NXPH3: variants seen among roughly 807,000 people sequenced by gnomAD.
The protein encoded by NXPH3 is neurexophilin 3, also known as neurexophilin-3.
Under a neutral mutation model 18.8 loss-of-function variants are expected in NXPH3, and 7 were observed. The ratio of observed to expected loss-of-function variants is 0.37; its 90% CI spans 0.21 to 0.70. The LOEUF (loss-of-function observed/expected upper bound fraction) is 0.70. Among genes scored for constraint, NXPH3 ranks in the 30% least tolerant of loss-of-function variants. The pLI is 0.53. For missense variants in NXPH3, 282 were observed against 338.1 expected, an observed-to-expected ratio of 0.83 and a Z score of 1.30; for synonymous variants, 101 against 137.3, an observed-to-expected ratio of 0.74 and a Z score of 1.85.
Position 49,581,489 on chromosome 17 carries a change from G to A in NXPH3, c.*2189G>A. ...CATACTGCAGCGCAGAGTTGGGTGG[G>A]GCTGAGAAGCCATCTGGTTACAGCC... On this transcript the variant is annotated 3_prime_UTR_variant, in exon 2 of 2. Coordinates refer to ENST00000328741, the MANE Select transcript of NXPH3 (RefSeq NM_007225.4). The A allele has an allele frequency of 4.8e-6, 3 of 631,366 alleles. No individual in the cohort carries two copies. The highest frequency in any genetic ancestry group is 2.5e-4 in the Middle Eastern group (1 of 3,984). The allele number at this position is 631,366 out of a possible 1,614,324, so 39.1% of individuals were successfully genotyped here. A position where few individuals can be genotyped will look rare whatever the true frequency, so the allele number is the denominator to read the frequency against.
chr17:49,576,097 A>G lies in NXPH3; in HGVS notation c.-123A>G. 8.3e-7 allele frequency: 1 copy of G among 1,205,232 alleles called. No individual in the cohort carries two copies. The highest frequency in any genetic ancestry group is 1.3e-5 in the South Asian group (1 of 74,286). 74.7% of individuals were successfully genotyped at this position (1,205,232 alleles called of 1,614,324 possible). ...CGGCCCTGGGCGACCCGCTGAGGGG[A>G]GGGCCGCGGGCCGCCGGGGACTGGA... On this transcript the variant is annotated 5_prime_UTR_variant, in exon 1 of 2. Transcript: ENST00000328741.
rs534314550 is a variant in NXPH3, at chr17:49,578,139, C to T, written c.55-457C>T. On this transcript the variant is annotated intron_variant, in intron 1 of 1. Coordinates refer to ENST00000328741, the MANE Select transcript of NXPH3 (RefSeq NM_007225.4). The surrounding 1 kb of genome is among the most constrained non-coding windows in gnomAD (Gnocchi z 4.5). ...GTTTCAGAGCAGAGATTATGCCTCC[C>T]CCATCAGCCTGGGGATTTCACAGAG... Among the ~76,000 whole-genome samples, 1 of 152,250 alleles carries T rather than the reference C, an allele frequency of 6.6e-6. No homozygotes were observed. The highest frequency in any genetic ancestry group is 2.4e-5 in the African/African-American group (1 of 41,538).
In NXPH3 at chr17:49,582,490, GTTCT is replaced by G. The variant is rs1446421695; in HGVS notation, c.*3193_*3196del. On this transcript the variant is annotated 3_prime_UTR_variant, in exon 2 of 2. Transcript: ENST00000328741. ...CTGGGACAAGTTTACCAGGCTGGGG[GTTCT>G]TTAAGGACACAGCTTGGATCTCCCC... is the stretch of plus-strand genomic sequence containing the variant. 1.3e-5 allele frequency: 2 copies of G among 152,474 alleles called. No homozygotes were observed. The highest frequency in any genetic ancestry group is 3.9e-4 in the East Asian group (2 of 5,192). The allele number at this position is 152,474 out of a possible 1,614,324, so 9.4% of individuals were successfully genotyped here. A position where few individuals can be genotyped will look rare whatever the true frequency, so the allele number is the denominator to read the frequency against.
In NXPH3 at chr17:49,583,332, T is replaced by A. The variant is rs2071610500; in HGVS notation, c.*4032T>A. ...GGGTGATGGGTAAGGAGAGGCACCA[T>A]TAGCCCCGCCAGGCAGAGGCAAGAT... is the stretch of plus-strand genomic sequence containing the variant. On this transcript the variant is annotated 3_prime_UTR_variant, in exon 2 of 2. Coordinates refer to ENST00000328741, the MANE Select transcript of NXPH3 (RefSeq NM_007225.4). 6.6e-6 allele frequency: 1 copy of A among 152,226 alleles called. No individual in the cohort carries two copies. Among genetic ancestry groups the A allele is most frequent in the African/African-American group, 2.4e-5 (1 of 41,442 alleles). The allele number at this position is 152,226 out of a possible 1,614,324, so 9.4% of individuals were successfully genotyped here. A position where few individuals can be genotyped will look rare whatever the true frequency, so the allele number is the denominator to read the frequency against.
At position 49,578,674 on chromosome 17, in the gene NXPH3, C is replaced by T. The variant is rs760313654; in HGVS notation, c.133C>T (p.Arg45Trp). 4 of 1,612,008 alleles carry T rather than the reference C, an allele frequency of 2.5e-6. No individual in the cohort carries two copies. The highest frequency in any genetic ancestry group is 2.5e-6 in the Non-Finnish European group (3 of 1,179,360). Residue 45 changes from arginine (R) to tryptophan (W), a missense_variant, in exon 2 of 2, where the codon CGG becomes TGG. Transcript: ENST00000328741. The surrounding 1 kb of genome is among the most constrained non-coding windows in gnomAD (Gnocchi z 4.5). ...TGACCACGAGGGCCAGCCCCGGCCC[C>T]GGGTGCCTCGGAAGCGGGGCCACAT... ...RDDHEGQPRP[R>W]VPRKRGHISP...
chr17:49,582,078 C>T lies in NXPH3; in HGVS notation c.*2778C>T, dbSNP rs140618596. On this transcript the variant is annotated 3_prime_UTR_variant, in exon 2 of 2. Transcript: ENST00000328741. ...GCCCTCTGGTCCCTACTGTTCTTGC[C>T]AGATACTTCTGTGCCCGCTTGGTCC... 461 of 562,508 alleles carry T rather than the reference C, an allele frequency of 8.2e-4. 3 individuals carry two copies. The highest frequency in any genetic ancestry group is 6.0e-3 in the Middle Eastern group (13 of 2,180). The allele number at this position is 562,508 out of a possible 1,614,324, so 34.8% of individuals were successfully genotyped here. A position where few individuals can be genotyped will look rare whatever the true frequency, so the allele number is the denominator to read the frequency against.
Position 49,581,513 on chromosome 17 carries a change from C to A in NXPH3, c.*2213C>A. The A allele has an allele frequency of 1.5e-6, 1 of 651,198 alleles. No homozygotes were observed. Among genetic ancestry groups the A allele is most frequent in the East Asian group, 2.7e-5 (1 of 36,898 alleles). The allele number at this position is 651,198 out of a possible 1,614,324, so 40.3% of individuals were successfully genotyped here. On this transcript the variant is annotated 3_prime_UTR_variant, in exon 2 of 2. Transcript: ENST00000328741. ...GGGCTGAGAAGCCATCTGGTTACAGCCCACCTTGTAGGAAATGACCCAGCT... is the reference window on the plus strand; with the variant it reads ...GGGCTGAGAAGCCATCTGGTTACAGACCACCTTGTAGGAAATGACCCAGCT...
rs2071568385 is a variant in NXPH3, at chr17:49,575,977, C to A, written c.-243C>A. The A allele has an allele frequency of 4.2e-6, 2 of 477,466 alleles. No individual in the cohort carries two copies. The highest frequency in any genetic ancestry group is 7.3e-6 in the Non-Finnish European group (2 of 274,148). 29.6% of individuals were successfully genotyped at this position (477,466 alleles called of 1,614,324 possible). On this transcript the variant is annotated 5_prime_UTR_variant, in exon 1 of 2. Transcript: ENST00000328741. This position sits in a 1 kb window ranked among gnomAD's most constrained non-coding sequence, Gnocchi z 4.3. ...CTGGGGCCCTTCGAGGCGCTCGGGG[C>A]GCACATCTGGGACCTCGAGCGGGGG...
chr17:49,576,257 A>G lies in NXPH3; in HGVS notation c.38A>G (p.Gln13Arg). The change falls in exon 1 of 2, where the codon CAG becomes CGG. Residue 13 changes from glutamine (Q) to arginine (R), a missense_variant. By Grantham distance (43) the Gln-to-Arg change is conservative (BLOSUM62 1). Transcript: ENST00000328741. The stretch of plus-strand genomic sequence containing the variant: ...CGCTGCTGCTTCGTGTTCCTGGTGC[A>G]GGGTAGCCTCTATCTGGTGAGTGGT... ...LTRCCFVFLV[Q>R]GSLYLVICGQ... 6.4e-7 allele frequency: 1 copy of G among 1,568,374 alleles called. No individual in the cohort carries two copies. Among genetic ancestry groups the G allele is most frequent in the Non-Finnish European group, 8.6e-7 (1 of 1,157,098 alleles).
rs1355438306 is a variant in NXPH3, at chr17:49,579,242, A to G, written c.701A>G (p.Gln234Arg). The G allele has an allele frequency of 6.2e-7, 1 of 1,602,538 alleles. No homozygotes were observed. The highest frequency in any genetic ancestry group is 8.5e-7 in the Non-Finnish European group (1 of 1,179,962). ...TACAGCACGGACTATCGGCTGGTCC[A>G]GAAGGTGTGCCCAGATTACAACTAC... ...AFYSTDYRLV[Q>R]KVCPDYNYHS... The change falls in exon 2 of 2, where the codon CAG (glutamine) becomes CGG (arginine). Residue 234 changes from glutamine (Q) to arginine (R), a missense_variant. Coordinates refer to ENST00000328741, the MANE Select transcript of NXPH3 (RefSeq NM_007225.4). The surrounding 1 kb of genome is among the most constrained non-coding windows in gnomAD (Gnocchi z 6.0).
In NXPH3 at chr17:49,579,078, G is replaced by C; in HGVS notation, c.537G>C (p.Trp179Cys). 6.2e-7 allele frequency: 1 copy of C among 1,614,130 alleles called. No individual in the cohort carries two copies. The highest frequency in any genetic ancestry group is 2.2e-5 in the East Asian group (1 of 44,876). Reference sequence around the variant, plus strand: ...AAATCTTCAACTGCCGGATGGAGTGGGAGAAGGTAGAACGGGGCCGCCGGA... The same window carrying C: ...AAATCTTCAACTGCCGGATGGAGTGCGAGAAGGTAGAACGGGGCCGCCGGA... ...ASKIFNCRME[W>C]EKVERGRRTS... is the part of the protein sequence containing the mutation. The change falls in exon 2 of 2, where the codon TGG becomes TGC. Residue 179 changes from tryptophan to cysteine, a missense_variant. By Grantham distance (215) the Trp-to-Cys change is radical. Transcript: ENST00000328741. This position sits in a 1 kb window ranked among gnomAD's most constrained non-coding sequence, Gnocchi z 6.0.
Position 49,578,648 on chromosome 17 carries a change from A to T in NXPH3, c.107A>T (p.Asp36Val). The stretch of plus-strand genomic sequence containing the variant: ...CCCGGCTCAGAGGACCCTGAGCGTG[A>T]TGACCACGAGGGCCAGCCCCGGCCC... Reference protein sequence around the residue: ...GPPGSEDPERDDHEGQPRPRV... With the variant: ...GPPGSEDPERVDHEGQPRPRV... The change falls in exon 2 of 2, where the codon GAT becomes GTT. Residue 36 changes from aspartate (D) to valine (V), a missense_variant. Physicochemically the swap from Asp to Val is radical, Grantham distance 152. Coordinates refer to ENST00000328741, the MANE Select transcript of NXPH3 (RefSeq NM_007225.4). This position sits in a 1 kb window ranked among gnomAD's most constrained non-coding sequence, Gnocchi z 4.5. The T allele has an allele frequency of 6.2e-7, 1 of 1,603,394 alleles. No individual in the cohort carries two copies. Among genetic ancestry groups the T allele is most frequent in the Non-Finnish European group, 8.5e-7 (1 of 1,175,198 alleles).
rs1318970107 is a variant in NXPH3, at chr17:49,581,806, C to T, written c.*2506C>T. The T allele has an allele frequency of 2.9e-6, 2 of 701,614 alleles. No individual in the cohort carries two copies. The highest frequency in any genetic ancestry group is 1.7e-5 in the African/African-American group (1 of 57,374). 43.5% of individuals were successfully genotyped at this position (701,614 alleles called of 1,614,324 possible). ...CTGAACTCTCAGCAGGCACTGGGGG[C>T]ACTTTGACCCCCCTCCTGCTCCTCT... On this transcript the variant is annotated 3_prime_UTR_variant, in exon 2 of 2. Coordinates refer to ENST00000328741, the MANE Select transcript of NXPH3 (RefSeq NM_007225.4).
Position 49,579,394 on chromosome 17 carries a change from C to T in NXPH3, c.*94C>T. ...GACACCGGGCAGGGAAGGGGTTGGG[C>T]CTCAGGCAGGGAGGGGGGTGGAGAC... On this transcript the variant is annotated 3_prime_UTR_variant, in exon 2 of 2. Transcript: ENST00000328741. This position sits in a 1 kb window ranked among gnomAD's most constrained non-coding sequence, Gnocchi z 6.0. 8.8e-7 allele frequency: 1 copy of T among 1,139,084 alleles called. No homozygotes were observed. Among genetic ancestry groups the T allele is most frequent in the Non-Finnish European group, 1.2e-6 (1 of 807,734 alleles). 70.6% of individuals were successfully genotyped at this position (1,139,084 alleles called of 1,614,324 possible).
chr17:49,581,651 G>A lies in NXPH3; in HGVS notation c.*2351G>A, dbSNP rs771252740. On this transcript the variant is annotated 3_prime_UTR_variant, in exon 2 of 2. Coordinates refer to ENST00000328741, the MANE Select transcript of NXPH3 (RefSeq NM_007225.4). ...CCCACCCTGGAGGCTTGAGACTGCT[G>A]GCACTGGAGCAGCCCACCAATGGAC... 7.6e-4 allele frequency: 534 copies of A among 702,584 alleles called. 1 individual carries two copies. Among genetic ancestry groups the A allele is most frequent in the Middle Eastern group, 3.0e-3 (13 of 4,370 alleles). The allele number at this position is 702,584 out of a possible 1,614,324, so 43.5% of individuals were successfully genotyped here.
rs542115954 is a variant in NXPH3 at position 49,576,824 on chromosome 17, G to A, written c.54+551G>A. ...GCGCAGCCGGAGCCCCACAGGACTT[G>A]GGCAGGCGGCTCCCGCCCCAGGCAC... is the stretch of plus-strand genomic sequence containing the variant. On this transcript the variant is annotated intron_variant, in intron 1 of 1. Coordinates refer to ENST00000328741, the MANE Select transcript of NXPH3 (RefSeq NM_007225.4). Among the ~76,000 whole-genome samples, 34 of 148,754 alleles carry A rather than the reference G, an allele frequency of 2.3e-4. 1 individual carries two copies. In the South Asian group the frequency reaches 7.3e-3, roughly 32 times the overall value.
chr17:49,576,039 G>A lies in NXPH3; in HGVS notation c.-181G>A, dbSNP rs150052889. 182 of 615,272 alleles carry A rather than the reference G, an allele frequency of 3.0e-4. No individual in the cohort carries two copies. In the Middle Eastern group the frequency reaches 7.6e-3, roughly 26 times the overall value. 38.1% of individuals were successfully genotyped at this position (615,272 alleles called of 1,614,324 possible). On this transcript the variant is annotated 5_prime_UTR_variant, in exon 1 of 2. Coordinates refer to ENST00000328741, the MANE Select transcript of NXPH3 (RefSeq NM_007225.4). Reference sequence around the variant, plus strand: ...GCAGCTGGACCAGGGGAGGGGGGCGGCGGCTGCACAGCTGGACCGAAGGGG... The same window carrying A: ...GCAGCTGGACCAGGGGAGGGGGGCGACGGCTGCACAGCTGGACCGAAGGGG...
chr17:49,576,119 T>G lies in NXPH3; in HGVS notation c.-101T>G. On this transcript the variant is annotated 5_prime_UTR_variant, in exon 1 of 2. Transcript: ENST00000328741. ...GGGAGGGCCGCGGGCCGCCGGGGAC[T>G]GGAGCATGGGACGGCGCGCCTGAAG... 6.9e-7 allele frequency: 1 copy of G among 1,445,800 alleles called. No homozygotes were observed. The highest frequency in any genetic ancestry group is 9.5e-7 in the Non-Finnish European group (1 of 1,056,144). 89.6% of individuals were successfully genotyped at this position (1,445,800 alleles called of 1,614,324 possible). A position where few individuals can be genotyped will look rare whatever the true frequency, so the allele number is the denominator to read the frequency against.
rs1295228878 is a variant in NXPH3, at chr17:49,579,142, C to T, written c.601C>T (p.Arg201Ter). Residue 201 changes from arginine (R) to a stop codon, truncating the protein, a stop_gained, in exon 2 of 2, where the codon CGA becomes TGA. Coordinates refer to ENST00000328741, the MANE Select transcript of NXPH3 (RefSeq NM_007225.4). LOFTEE classifies it high-confidence loss of function. This position sits in a 1 kb window ranked among gnomAD's most constrained non-coding sequence, Gnocchi z 6.0. ...CTHDPAKICS[R>*]DHAQSSATWS... Reference sequence around the variant, plus strand: ...CCACGACCCAGCCAAGATCTGCTCCCGAGACCACGCTCAGAGCTCAGCCAC... The same window carrying T: ...CCACGACCCAGCCAAGATCTGCTCCTGAGACCACGCTCAGAGCTCAGCCAC... 1.2e-6 allele frequency: 2 copies of T among 1,613,856 alleles called. No individual in the cohort carries two copies. Among genetic ancestry groups the T allele is most frequent in the South Asian group, 1.1e-5 (1 of 91,084 alleles).
Sources: gnomAD v4.1 joint callset for allele counts (sites outside exome capture counted in the v4.1 genomes callset) on GRCh38, gnomAD v4.1.1 for gene constraint, Gnocchi (gnomAD v3.1) non-coding constraint, MANE v1.5 for transcripts, NCBI Gene and HGNC (gene_info 2026-07-23, HGNC 2026-07-21) for gene names.